The following ARHGAP27 variants were observed in gnomAD, a reference collection of about 807,000 sequenced individuals.
ARHGAP27 encodes the protein Rho GTPase activating protein 27, also known as rho GTPase-activating protein 27.
A neutral mutation model predicts 102.0 loss-of-function variants in ARHGAP27; 53 were observed. The observed-to-expected ratio is 0.52, with a 90% CI of 0.42 to 0.65. The LOEUF (loss-of-function observed/expected upper bound fraction) is 0.65, where lower values mean the gene tolerates loss of function less well. Ranked by LOEUF, ARHGAP27 falls within the 30% of genes least tolerant of loss-of-function variation. The pLI, the probability that ARHGAP27 is intolerant of heterozygous loss-of-function variation, is 0.00. For synonymous variants in ARHGAP27, 525 were observed against 542.8 expected (o/e 0.97, Z 0.46); for missense variants, 1,117 against 1,256.2 (o/e 0.89, Z 1.68).
chr17:45,412,474 C>A (rs1326766314), intron 4 of ARHGAP27, among the ~76,000 whole-genome samples: 1 of 152,198 alleles, frequency 6.6e-6, no homozygotes, highest in South Asian at 2.1e-4. Context: ...TAGGAAGACC[C>A]AGTCCTCTGG....
At chr17:45,415,674 C>A (rs2048381050) in intron 4 of ARHGAP27, among the ~76,000 whole-genome samples, 1 of 152,200 alleles carries the variant, frequency 6.6e-6, no homozygotes, top group Non-Finnish European at 1.5e-5. Flanking sequence ...TTGATCCGAC[C>A]AGCCTAAGCC....
At chr17:45,416,194 C>G (rs34915103) in intron 4 of ARHGAP27, among the ~76,000 whole-genome samples, 21,137 of 151,670 alleles carry the variant, frequency 0.14, 1,759 homozygotes, top group Middle Eastern at 0.23. Flanking sequence ...TACAGGCGCA[C>G]GCCACCAGGC....
rs1363203348 is a variant in ARHGAP27, at chr17:45,395,029, C to A, written c.*427G>T. The A allele has an allele frequency of 4.8e-6, 1 of 209,558 alleles. No homozygotes were observed. Among genetic ancestry groups the A allele is most frequent in the African/African-American group, 2.4e-5 (1 of 42,526 alleles). 13.0% of individuals were successfully genotyped at this position (209,558 alleles called of 1,614,324 possible). A position where few individuals can be genotyped will look rare whatever the true frequency, so the allele number is the denominator to read the frequency against. On this transcript the variant is annotated 3_prime_UTR_variant, in exon 20 of 20. Transcript: ENST00000685559. ...TGCCTCATGACTGGCACAGTGCCAG[C>A]ACAGGGCCAGGGCCCACAGGGTCTC...
Position 45,395,060 on chromosome 17 carries a change from A to AG in ARHGAP27, c.*395dup. The AG allele has an allele frequency of 4.0e-6, 1 of 249,838 alleles. No homozygotes were observed. Among genetic ancestry groups the AG allele is most frequent in the Non-Finnish European group, 7.8e-6 (1 of 127,670 alleles). The allele number at this position is 249,838 out of a possible 1,614,324, so 15.5% of individuals were successfully genotyped here. A position where few individuals can be genotyped will look rare whatever the true frequency, so the allele number is the denominator to read the frequency against. On this transcript the variant is annotated 3_prime_UTR_variant, in exon 20 of 20. Transcript: ENST00000685559. ...GCCAGGGCCCACAGGGTCTCTGTGAAGGCCTCCACGAGGTGAGGGCCAGAA... is the reference window on the plus strand; with the variant it reads ...GCCAGGGCCCACAGGGTCTCTGTGAAGGGCCTCCACGAGGTGAGGGCCAGAA...
intron 4 of ARHGAP27, among the ~76,000 whole-genome samples, chr17:45,414,118 A>G (rs2144764628): frequency 6.8e-6 from 1 of 146,012 alleles, no homozygotes; most frequent in South Asian, 2.2e-4. Context: ...AAAAAAAAAA[A>G]GAAATGGTCC....
In ARHGAP27 at chr17:45,396,787, G is replaced by A. The variant is rs765440494; in HGVS notation, c.1955C>T (p.Ala652Val). 9.3e-6 allele frequency: 15 copies of A among 1,609,912 alleles called. No individual in the cohort carries two copies. The South Asian group carries it at 1.1e-4, about 12-fold the overall frequency. ...KEEDARPNAA[A>V]PALGPVGLES... ...CAGGCCCACGGGGCCCAGGGCGGGCGCGGCTGCCGCGGGGAAAGGCAGGAC... is the reference window on the plus strand; with the variant it reads ...CAGGCCCACGGGGCCCAGGGCGGGCACGGCTGCCGCGGGGAAAGGCAGGAC... Residue 652 changes from alanine (A) to valine (V), a missense_variant, in exon 15 of 20, where the codon GCG (alanine) becomes GTG (valine). Ala to Val is a moderately conservative substitution (Grantham distance 64, BLOSUM62 0). This residue lies in a region of ARHGAP27 where 493 missense variants were observed against 505.5 expected (regional missense o/e 0.98). Coordinates refer to ENST00000685559, the MANE Select transcript of ARHGAP27 (RefSeq NM_001282290.2).
At chr17:45,420,502 T>C (rs542655421) in intron 4 of ARHGAP27, among the ~76,000 whole-genome samples, 4 of 152,212 alleles carry the variant, frequency 2.6e-5, no homozygotes, top group Admixed American at 1.3e-4. Context: ...ATTTTTACTA[T>C]AGACTTTAAA....
chr17:45,402,584 T>G lies in ARHGAP27; in HGVS notation c.1743+130A>C, dbSNP rs140100204. 89 of 784,248 alleles carry G rather than the reference T, an allele frequency of 1.1e-4. No homozygotes were observed. The African/African-American group carries it at 1.2e-3, about 10-fold the overall frequency. The allele number at this position is 784,248 out of a possible 1,614,324, so 48.6% of individuals were successfully genotyped here. On this transcript the variant is annotated intron_variant, in intron 12 of 19. Transcript: ENST00000685559. ...TACCTCTATTAATACAGCCAAAAGC[T>G]GCACTCAGTGTTGGCTCATAGGGAA...
intron 4 of ARHGAP27, among the ~76,000 whole-genome samples, chr17:45,416,346 G>A (rs1349908630): frequency 2.3e-4 from 35 of 151,924 alleles, no homozygotes; most frequent in Middle Eastern, 3.4e-3. Flanking sequence ...GAGCCACCGC[G>A]CCCAGCCTCA....
chr17:45,396,148 G>A, intron 17 of ARHGAP27, 31 bp from the exon 18 acceptor site: 2 of 1,600,780 alleles, frequency 1.2e-6, no homozygotes, highest in Non-Finnish European at 1.7e-6. Context: ...AGGACGGAAG[G>A]GAAATCAGTA....
At chr17:45,419,997 C>A (rs148305588) in intron 4 of ARHGAP27, among the ~76,000 whole-genome samples, 365 of 152,324 alleles carry the variant, frequency 2.4e-3, no homozygotes, top group African/African-American at 8.2e-3. Context: ...GGACCAGACA[C>A]TAATTTGTGT....
At position 45,396,727 on chromosome 17, in the gene ARHGAP27, C is replaced by A. The variant is rs750936457; in HGVS notation, c.2015G>T (p.Arg672Leu). 1 of 1,613,726 alleles carries A rather than the reference C, an allele frequency of 6.2e-7. No individual in the cohort carries two copies. Among genetic ancestry groups the A allele is most frequent in the Middle Eastern group, 1.6e-4 (1 of 6,084 alleles). ...SDLSKVRHKL[R>L]KFLQRRPTLQ... is the part of the protein sequence containing the mutation. ...TGTGGGCCGCCTCTGGAGGAACTTG[C>A]GGAGCTTGTGCCGGACCTTGCTCAA... The change falls in exon 15 of 20, where the codon CGC (arginine) becomes CTC (leucine). Residue 672 changes from arginine to leucine, a missense_variant. Physicochemically the swap from Arg to Leu is moderately radical, Grantham distance 102 (BLOSUM62 -2). This residue lies in a region of ARHGAP27 where 493 missense variants were observed against 505.5 expected (regional missense o/e 0.98). Transcript: ENST00000685559.
intron 4 of ARHGAP27, among the ~76,000 whole-genome samples, chr17:45,416,235 T>C (rs1387769970): frequency 6.6e-6 from 1 of 151,476 alleles, no homozygotes; most frequent in East Asian, 1.9e-4. Flanking sequence ...TTTTTTTTTT[T>C]AGTAGAGACG....
intron 4 of ARHGAP27, among the ~76,000 whole-genome samples, chr17:45,410,828 G>T (rs569439352): frequency 2.6e-5 from 4 of 152,044 alleles, no homozygotes; most frequent in South Asian, 2.1e-4. Context: ...GGAAGCTTGT[G>T]GGGGGGAGGG....
chr17:45,398,109 C>T, intron 12 of ARHGAP27, 62 bp from the exon 13 acceptor site: 1 of 1,432,986 alleles, frequency 7.0e-7, no homozygotes. Flanking sequence ...GGGGTTGGCC[C>T]TAGTTGGGGG....
intron 4 of ARHGAP27, chr17:45,410,335 G>T: frequency 2.1e-6 from 3 of 1,463,334 alleles, no homozygotes; most frequent in Non-Finnish European, 1.8e-6. Context: ...AAGGTTTTGG[G>T]GGTAGAGCCC....
intron 4 of ARHGAP27, among the ~76,000 whole-genome samples, chr17:45,425,352 A>AG (rs1567735689): frequency 1.3e-5 from 2 of 152,072 alleles, no homozygotes; most frequent in East Asian, 3.9e-4. Context: ...CTGGCCCCGA[A>AG]GGGGGACAGG....
intron 4 of ARHGAP27, among the ~76,000 whole-genome samples, chr17:45,423,311 AAATG>A (rs1395029852): frequency 4.6e-5 from 7 of 152,380 alleles, no homozygotes; most frequent in Admixed American, 6.5e-5. Flanking sequence ...CATCTGGAGA[AAATG>A]AATGCTTTCC....
At chr17:45,405,538 A>T (rs1397566902) in intron 5 of ARHGAP27, 138 bp downstream of exon 5, 12 of 1,181,508 alleles carry the variant, frequency 1.0e-5, no homozygotes, top group Admixed American at 3.1e-5. Flanking sequence ...GAGCAGGAGA[A>T]GGGGTCAAAG....
Sources: gnomAD v4.1 joint callset for allele counts (sites outside exome capture counted in the v4.1 genomes callset) on GRCh38, gnomAD v4.1.1 for gene constraint, gnomAD v4.1.1 regional missense constraint, MANE v1.5 for transcripts, NCBI Gene and HGNC (gene_info 2026-07-23, HGNC 2026-07-21) for gene names.